Variants in CEP192 observed in about 807,000 individuals in gnomAD.
CEP192 encodes the protein centrosomal protein of 192 kDa.
A neutral mutation model predicts 271.8 loss-of-function variants in CEP192; 151 were observed. The observed-to-expected ratio is 0.56, with a 90% CI of 0.49 to 0.64. CEP192 has a LOEUF of 0.64. CEP192 is among the 30% of genes least tolerant of loss of function. The pLI is 0.00. For synonymous variants in CEP192, 995 were observed against 1,076.5 expected (o/e 0.92, Z 1.48); for missense variants, 2,910 against 3,020.5 (o/e 0.96, Z 0.86).
chr18:13,059,835 A>C (rs1380052635), intron 21 of CEP192, among the ~76,000 whole-genome samples: 1 of 152,196 alleles, frequency 6.6e-6, no homozygotes, highest in Non-Finnish European at 1.5e-5. Context: ...AGTCCCACTT[A>C]GACTGACTAA....
In CEP192 at chr18:13,099,536, C is replaced by G; in HGVS notation, c.6618C>G (p.Phe2206Leu). Residue 2206 changes from phenylalanine (F) to leucine (L), a missense_variant, in exon 37 of 45, where the codon TTC becomes TTG. Transcript: ENST00000506447. ...NSSLSTKQSM[F>L]PWSGLIYIHC... Reference sequence around the variant, plus strand: ...CCTTATCCACAAAACAGTCAATGTTCCCGTGGAGTGGTTTGATCTATATAC... The same window carrying G: ...CCTTATCCACAAAACAGTCAATGTTGCCGTGGAGTGGTTTGATCTATATAC... 6.2e-7 allele frequency: 1 copy of G among 1,604,602 alleles called. No individual in the cohort carries two copies. Among genetic ancestry groups the G allele is most frequent in the Non-Finnish European group, 8.5e-7 (1 of 1,175,780 alleles).
intron 11 of CEP192, among the ~76,000 whole-genome samples, chr18:13,032,523 C>G (rs990084438): frequency 6.6e-6 from 1 of 152,138 alleles, no homozygotes; most frequent in African/African-American, 2.4e-5. Flanking sequence ...TCATGGAATT[C>G]TCATGTGTTG....
rs751722006 is a variant in CEP192 at position 13,114,287 on chromosome 18, CA to C, written c.7289+37del. The C allele has an allele frequency of 3.7e-6, 6 of 1,605,968 alleles. No homozygotes were observed. The East Asian group carries it at 1.3e-4, about 36-fold the overall frequency. ...TTTGTCATTCTTATGAGTTTTTTCCCAGTACTTTATTGAGGAATAGAGTCAG... is the reference window on the plus strand; with the variant it reads ...TTTGTCATTCTTATGAGTTTTTTCCCGTACTTTATTGAGGAATAGAGTCAG... On this transcript the variant is annotated intron_variant, in intron 42 of 44. Transcript: ENST00000506447.
At chr18:13,031,237 ATTG>A (rs1483312336) in intron 11 of CEP192, among the ~76,000 whole-genome samples, 3 of 123,190 alleles carry the variant, frequency 2.4e-5, no homozygotes, top group South Asian at 2.6e-4. Context: ...GCCTGGCCTT[ATTG>A]TTGTTTTTTT....
At chr18:13,003,962 C>T (rs1432504942) in intron 3 of CEP192, among the ~76,000 whole-genome samples, 1 of 152,232 alleles carries the variant, frequency 6.6e-6, no homozygotes, top group Non-Finnish European at 1.5e-5. Flanking sequence ...GAGGAATCAA[C>T]AGCGAGATTA....
chr18:13,101,811 C>T (rs564291963), intron 38 of CEP192, among the ~76,000 whole-genome samples: 1 of 152,296 alleles, frequency 6.6e-6, no homozygotes, highest in East Asian at 1.9e-4. Context: ...CCTGAGACCC[C>T]CTGCCTGCTG....
chr18:13,115,919 G>C (rs2040408392), intron 42 of CEP192, among the ~76,000 whole-genome samples: 1 of 152,144 alleles, frequency 6.6e-6, no homozygotes, highest in Non-Finnish European at 1.5e-5. Flanking sequence ...AGAGACCCGG[G>C]AGTGGCCGGA....
intron 4 of CEP192, 64 bp downstream of exon 4, chr18:13,008,695 T>A: frequency 4.6e-6 from 6 of 1,292,920 alleles, no homozygotes; most frequent in African/African-American, 3.0e-5. Flanking sequence ...CATTTCCTTA[T>A]CTTTGGATTT....
At position 13,040,022 on chromosome 18, in the gene CEP192, G is replaced by T. The variant is rs377477127; in HGVS notation, c.1810-808G>T. 7.2e-5 allele frequency among the ~76,000 whole-genome samples: 11 copies of T among 152,308 alleles called. No individual in the cohort carries two copies. The East Asian group carries it at 2.1e-3, about 29-fold the overall frequency. Reference sequence around the variant, plus strand: ...GTTTAGCAAAACTGGATTTCATTAAGAGTATGATTTTGAAATAACAGATGT... The same window carrying T: ...GTTTAGCAAAACTGGATTTCATTAATAGTATGATTTTGAAATAACAGATGT... On this transcript the variant is annotated intron_variant, in intron 13 of 44. Coordinates refer to ENST00000506447, the MANE Select transcript of CEP192 (RefSeq NM_032142.4).
At chr18:13,039,321 G>A (rs539450389) in intron 13 of CEP192, among the ~76,000 whole-genome samples, 1 of 152,156 alleles carries the variant, frequency 6.6e-6, no homozygotes, top group African/African-American at 2.4e-5. Context: ...CAGATATGGT[G>A]GTGCGTGGCT....
chr18:13,012,539 G>A (rs1271174042), intron 4 of CEP192, among the ~76,000 whole-genome samples: 1 of 152,062 alleles, frequency 6.6e-6, no homozygotes, highest in Non-Finnish European at 1.5e-5. Flanking sequence ...TGTTCATATT[G>A]ATTTGTGTGA....
At chr18:13,024,451 G>T in intron 9 of CEP192, 1 of 378,562 alleles carries the variant, frequency 2.6e-6, no homozygotes, top group Non-Finnish European at 5.2e-6. Flanking sequence ...CAGTTGGTGT[G>T]TTTGTTTGTT....
At chr18:13,024,105 T>C (rs1197662627) in intron 9 of CEP192, among the ~76,000 whole-genome samples, 1 of 152,238 alleles carries the variant, frequency 6.6e-6, no homozygotes, top group Non-Finnish European at 1.5e-5. Context: ...CCAGTTATGA[T>C]AGTTGGTTCA....
intron 18 of CEP192, among the ~76,000 whole-genome samples, chr18:13,055,565 A>G (rs141128222): frequency 6.6e-6 from 1 of 152,182 alleles, no homozygotes; most frequent in African/African-American, 2.4e-5. Context: ...TATTTTCCTC[A>G]TGGTATAATT....
At chr18:13,120,685 C>T (rs951091430) in intron 44 of CEP192, among the ~76,000 whole-genome samples, 4 of 152,142 alleles carry the variant, frequency 2.6e-5, no homozygotes, top group African/African-American at 9.7e-5. Context: ...GTGGCGGACA[C>T]TTAAGTTATT....
At chr18:13,081,877 A>G (rs547236882) in intron 30 of CEP192, among the ~76,000 whole-genome samples, 25 of 152,352 alleles carry the variant, frequency 1.6e-4, no homozygotes, top group African/African-American at 6.0e-4. Flanking sequence ...GTAGTCATTC[A>G]GGAGCAGGTT....
intron 40 of CEP192, among the ~76,000 whole-genome samples, chr18:13,110,860 G>A (rs1300586245): frequency 1.3e-5 from 2 of 152,204 alleles, no homozygotes; most frequent in South Asian, 2.1e-4. Context: ...CAGGAGGAAC[G>A]GAAGGAAGCA....
chr18:13,020,069 C>T (rs1356811511), intron 9 of CEP192, among the ~76,000 whole-genome samples: 3 of 152,124 alleles, frequency 2.0e-5, no homozygotes, highest in Non-Finnish European at 4.4e-5. Flanking sequence ...CCTTGACTTC[C>T]CAAATTGCTG....
chr18:13,097,246 C>T (rs1212064463), intron 36 of CEP192, among the ~76,000 whole-genome samples: 5 of 152,120 alleles, frequency 3.3e-5, no homozygotes, highest in African/African-American at 1.2e-4. Flanking sequence ...CAGGGGAAGA[C>T]AATCTTGCCC....
Sources: allele counts gnomAD v4.1 joint callset (sites outside exome capture counted in the v4.1 genomes callset), GRCh38; gene constraint gnomAD v4.1.1; transcripts MANE v1.5; gene names NCBI Gene and HGNC (gene_info 2026-07-23, HGNC 2026-07-21).